The following ADAMTS6 variants were observed in gnomAD, a reference collection of about 807,000 sequenced individuals.
The protein encoded by ADAMTS6 is ADAM metallopeptidase with thrombospondin type 1 motif 6, also known as A disintegrin and metalloproteinase with thrombospondin motifs 6.
Under a neutral mutation model 144.3 loss-of-function variants are expected in ADAMTS6, and 23 were observed. The observed-to-expected ratio is 0.16, with a 90% CI of 0.11 to 0.23. The LOEUF is 0.23. Among genes scored for constraint, ADAMTS6 ranks in the 10% least tolerant of loss-of-function variants. The pLI, the probability that ADAMTS6 is intolerant of heterozygous loss-of-function variation, is 1.00. For synonymous variants in ADAMTS6, 444 were observed against 457.5 expected (o/e 0.97, Z 0.38); for missense variants, 999 against 1,379.6 (o/e 0.72, Z 4.37).
Position 65,326,388 on chromosome 5 carries a change from C to T in ADAMTS6, c.1223+2990G>A, listed in dbSNP as rs558412298. ...GTATAAACCTCAATTTTTCATTTGA[C>T]AAGGAAATAAATTTCTTGTTTTCAC... On this transcript the variant is annotated intron_variant, in intron 9 of 24. Transcript: ENST00000381055. Among the ~76,000 whole-genome samples, 128 of 152,188 alleles carry T rather than the reference C, an allele frequency of 8.4e-4. 1 individual carries two copies. The highest frequency in any genetic ancestry group is 3.0e-3 in the African/African-American group (125 of 41,532).
intron 15 of ADAMTS6, among the ~76,000 whole-genome samples, chr5:65,239,852 A>G (rs1322865528): frequency 6.6e-6 from 1 of 152,240 alleles, no homozygotes; most frequent in South Asian, 2.1e-4. Flanking sequence ...AAGACCAAAT[A>G]TTGACAAGGA....
chr5:65,358,292 A>G (rs77264403), intron 7 of ADAMTS6, among the ~76,000 whole-genome samples: 1,568 of 152,076 alleles, frequency 0.01, 33 homozygotes, highest in African/African-American at 0.036. Flanking sequence ...CTTCTCAACA[A>G]ATTAGGTACA....
At chr5:65,263,062 A>C in intron 12 of ADAMTS6, 100 bp from the exon 13 acceptor site, 1 of 1,431,954 alleles carries the variant, frequency 7.0e-7, no homozygotes, top group Non-Finnish European at 9.6e-7. Flanking sequence ...TATAGGCATT[A>C]GCATTCTCCC....
chr5:65,258,107 T>C (rs758764820), intron 14 of ADAMTS6, among the ~76,000 whole-genome samples: 3 of 152,090 alleles, frequency 2.0e-5, no homozygotes, highest in African/African-American at 7.2e-5. Context: ...AAATCAACTA[T>C]ATAGGTGATA....
At chr5:65,207,676 T>A (rs1388566212) in intron 20 of ADAMTS6, among the ~76,000 whole-genome samples, 2 of 152,354 alleles carry the variant, frequency 1.3e-5, no homozygotes, top group East Asian at 3.9e-4. Flanking sequence ...TTAAAGAAAG[T>A]AACTTCCTAA....
chr5:65,409,630 C>T (rs569886480), intron 7 of ADAMTS6, among the ~76,000 whole-genome samples: 1 of 152,292 alleles, frequency 6.6e-6, no homozygotes, highest in South Asian at 2.1e-4. Context: ...AAGAAGAAAT[C>T]CTCCTAACTC....
At chr5:65,402,944 C>T (rs1269709999) in intron 7 of ADAMTS6, among the ~76,000 whole-genome samples, 3 of 152,102 alleles carry the variant, frequency 2.0e-5, no homozygotes, top group Non-Finnish European at 4.4e-5. Flanking sequence ...TGTGTATATG[C>T]AATGTCTTTA....
intron 9 of ADAMTS6, among the ~76,000 whole-genome samples, chr5:65,314,023 C>A (rs1744746084): frequency 6.6e-6 from 1 of 151,838 alleles, no homozygotes; most frequent in Admixed American, 6.6e-5. Context: ...GATAAAACAA[C>A]CATCAGAGCT....
At chr5:65,174,205 T>A (rs1753811187) in intron 22 of ADAMTS6, among the ~76,000 whole-genome samples, 1 of 151,938 alleles carries the variant, frequency 6.6e-6, no homozygotes, top group South Asian at 2.1e-4. Context: ...GAGACGTGAG[T>A]CTTGCTGAAG....
chr5:65,424,364 C>T (rs1756327237), intron 7 of ADAMTS6, among the ~76,000 whole-genome samples: 1 of 152,172 alleles, frequency 6.6e-6, no homozygotes, highest in Non-Finnish European at 1.5e-5. Flanking sequence ...ATTAAGTGTG[C>T]TCAAACTCAT....
chr5:65,437,251 C>T (rs181198303), intron 7 of ADAMTS6, among the ~76,000 whole-genome samples: 32 of 151,976 alleles, frequency 2.1e-4, no homozygotes, highest in Middle Eastern at 3.4e-3. Context: ...CCCACCACCA[C>T]GCCCAGATAA....
rs189650726 is a variant in ADAMTS6 at position 65,267,807 on chromosome 5, G to C, written c.1621-4845C>G. On this transcript the variant is annotated intron_variant, in intron 12 of 24. Coordinates refer to ENST00000381055, the MANE Select transcript of ADAMTS6 (RefSeq NM_197941.4). ...TAAGAGACCTCTAAGGAAATTCTAAGATTTTGCAGGAAGTAATATTAGTGA... is the reference window on the plus strand; with the variant it reads ...TAAGAGACCTCTAAGGAAATTCTAACATTTTGCAGGAAGTAATATTAGTGA... 1.3e-4 allele frequency among the ~76,000 whole-genome samples: 20 copies of C among 152,220 alleles called. No homozygotes were observed. The East Asian group carries it at 3.1e-3, about 24-fold the overall frequency.
At chr5:65,164,419 G>C (rs1753014536) in intron 24 of ADAMTS6, among the ~76,000 whole-genome samples, 1 of 150,294 alleles carries the variant, frequency 6.7e-6, no homozygotes, top group Admixed American at 6.6e-5. Flanking sequence ...ACAGCAGTCT[G>C]AGATCAAATT....
At position 65,367,478 on chromosome 5, in the gene ADAMTS6, C is replaced by T. The variant is rs191471461; in HGVS notation, c.1074-33393G>A. Among the ~76,000 whole-genome samples the T allele has an allele frequency of 8.5e-3, 1,291 of 152,290 alleles. 17 individuals carry two copies. The highest frequency in any genetic ancestry group is 0.01 in the Non-Finnish European group (698 of 68,018). On this transcript the variant is annotated intron_variant, in intron 7 of 24. Transcript: ENST00000381055. ...TAAGTTTGGAGAATTTATTTCTCAA[C>T]TGCTGTCATCCCTCAGCTATCTAGT...
At chr5:65,387,986 C>A (rs1199076581) in intron 7 of ADAMTS6, among the ~76,000 whole-genome samples, 1 of 151,928 alleles carries the variant, frequency 6.6e-6, no homozygotes, top group Non-Finnish European at 1.5e-5. Flanking sequence ...CAAGGCGGGC[C>A]TATCACCTGA....
chr5:65,232,794 T>TC (rs1181072997), intron 15 of ADAMTS6, among the ~76,000 whole-genome samples: 1 of 152,030 alleles, frequency 6.6e-6, no homozygotes, highest in Non-Finnish European at 1.5e-5. Context: ...TACCAATTTT[T>TC]CTCACACTTT....
In ADAMTS6 at chr5:65,299,574, T is replaced by TG. The variant is rs1580333132; in HGVS notation, c.1370+410_1370+411insC. 2.0e-5 allele frequency among the ~76,000 whole-genome samples: 3 copies of TG among 152,264 alleles called. No homozygotes were observed. In the South Asian group the frequency reaches 6.2e-4, roughly 31 times the overall value. ...TCATTTCCTTGGTGTTTGGTTTTTTTTTGTTGTTGTTGTTGTTTGTTACTA... is the reference window on the plus strand; with the variant it reads ...TCATTTCCTTGGTGTTTGGTTTTTTTGTTGTTGTTGTTGTTGTTTGTTACTA... On this transcript the variant is annotated intron_variant, in intron 10 of 24. Transcript: ENST00000381055.
At chr5:65,429,742 G>T (rs569021228) in intron 7 of ADAMTS6, among the ~76,000 whole-genome samples, 1 of 152,098 alleles carries the variant, frequency 6.6e-6, no homozygotes, top group Non-Finnish European at 1.5e-5. Context: ...CTAAATTGCA[G>T]AAGTTTTAAA....
chr5:65,332,261 T>C (rs1746803677), intron 8 of ADAMTS6, among the ~76,000 whole-genome samples: 2 of 146,094 alleles, frequency 1.4e-5, no homozygotes, highest in Admixed American at 1.4e-4. Context: ...AAAAGCAGAA[T>C]ATATATATAG....
Sources: allele counts gnomAD v4.1 joint callset (sites outside exome capture counted in the v4.1 genomes callset), GRCh38; gene constraint gnomAD v4.1.1; transcripts MANE v1.5; gene names NCBI Gene and HGNC (gene_info 2026-07-23, HGNC 2026-07-21).